The following SLC36A2 variants were observed in gnomAD, a reference collection of about 807,000 sequenced individuals.
SLC36A2 encodes the protein solute carrier family 36 member 2, also known as proton-coupled amino acid transporter 2.
In SLC36A2, 39 loss-of-function variants were observed where a neutral mutation model predicts 42.7. The ratio of observed to expected loss-of-function variants is 0.91; its 90% CI spans 0.71 to 1.19. The LOEUF (loss-of-function observed/expected upper bound fraction) is 1.19. Ranked by LOEUF, SLC36A2 falls within the 50% of genes most tolerant of loss-of-function variation. The pLI, the probability that SLC36A2 is intolerant of heterozygous loss-of-function variation, is 0.00. For synonymous variants in SLC36A2, 237 were observed against 240.8 expected (o/e 0.98, Z 0.15); for missense variants, 590 against 613.7 (o/e 0.96, Z 0.41).
At chr5:151,339,892 A>G (rs1322885633) in intron 4 of SLC36A2, among the ~76,000 whole-genome samples, 5 of 152,344 alleles carry the variant, frequency 3.3e-5, no homozygotes, top group Non-Finnish European at 7.3e-5. Flanking sequence ...CTAATGGGTT[A>G]GGTGGACAAA....
At chr5:151,317,198 T>C (rs982357142) in intron 9 of SLC36A2, 110 bp from the exon 10 acceptor site, 37 of 1,420,296 alleles carry the variant, frequency 2.6e-5, no homozygotes, top group Middle Eastern at 2.4e-4. Flanking sequence ...ACACTTGTAA[T>C]CCCAGCACTT....
chr5:151,330,536 A>G (rs1755967092), intron 7 of SLC36A2, among the ~76,000 whole-genome samples: 1 of 152,264 alleles, frequency 6.6e-6, no homozygotes, highest in Non-Finnish European at 1.5e-5. Context: ...CTGCTTTAAA[A>G]GAAATGTTAA....
rs1011214457 is a variant in SLC36A2 at position 151,316,695 on chromosome 5, G to T, written c.*122C>A. 3.8e-5 allele frequency: 46 copies of T among 1,208,368 alleles called. No individual in the cohort carries two copies. The highest frequency in any genetic ancestry group is 7.8e-6 in the Non-Finnish European group (7 of 892,686). 74.9% of individuals were successfully genotyped at this position (1,208,368 alleles called of 1,614,324 possible). On this transcript the variant is annotated 3_prime_UTR_variant, in exon 10 of 10. Coordinates refer to ENST00000335244, the MANE Select transcript of SLC36A2 (RefSeq NM_181776.3). Reference sequence around the variant, plus strand: ...GCCGAAGTTGTGGTGAGCTGAGATCGCATCATTGTACTCCAGTCTGGGCAA... The same window carrying T: ...GCCGAAGTTGTGGTGAGCTGAGATCTCATCATTGTACTCCAGTCTGGGCAA...
intron 4 of SLC36A2, among the ~76,000 whole-genome samples, chr5:151,341,591 T>A (rs911375293): frequency 6.6e-6 from 1 of 152,190 alleles, no homozygotes; most frequent in East Asian, 1.9e-4. Flanking sequence ...TAACCTGTTC[T>A]CTGTCACCCC....
At chr5:151,319,040 C>T (rs548892961) in intron 9 of SLC36A2, 129 of 455,830 alleles carry the variant, frequency 2.8e-4, no homozygotes, top group Non-Finnish European at 3.7e-4. Flanking sequence ...CCAAGTCCCA[C>T]CCCTTCCTCA....
chr5:151,317,042 C>T lies in SLC36A2; in HGVS notation c.1227G>A (p.Leu409=), dbSNP rs1231899768. 1 of 1,614,020 alleles carries T rather than the reference C, an allele frequency of 6.2e-7. No individual in the cohort carries two copies. Among genetic ancestry groups the T allele is most frequent in the South Asian group, 1.1e-5 (1 of 91,070 alleles). ...GGGCGGTGCCACTCACGGAGCCCACCAGGGAGATGACCAGGTCCAGGCGGG... is the reference window on the plus strand; with the variant it reads ...GGGCGGTGCCACTCACGGAGCCCACTAGGGAGATGACCAGGTCCAGGCGGG... The part of the protein sequence containing the change: ...LIPRLDLVIS[L]VGSVSGTALA... The change falls in exon 10 of 10, where the codon CTG becomes CTA. Residue 409 remains leucine, a synonymous_variant. Coordinates refer to ENST00000335244, the MANE Select transcript of SLC36A2 (RefSeq NM_181776.3).
chr5:151,331,650 A>G (rs1379289408), intron 7 of SLC36A2, among the ~76,000 whole-genome samples: 1 of 152,122 alleles, frequency 6.6e-6, no homozygotes, highest in South Asian at 2.1e-4. Context: ...ATTCTTAGAC[A>G]TAAGACAAAA....
intron 4 of SLC36A2, among the ~76,000 whole-genome samples, chr5:151,340,137 A>C: frequency 7.9e-6 from 1 of 126,326 alleles, no homozygotes; most frequent in East Asian, 2.1e-4. Flanking sequence ...AGGAGGAGGA[A>C]GAAGAGGAGG....
In SLC36A2 at chr5:151,342,418, C is replaced by T. The variant is rs536809573; in HGVS notation, c.440+470G>A. Among the ~76,000 whole-genome samples the T allele has an allele frequency of 4.6e-5, 7 of 152,324 alleles. No individual in the cohort carries two copies. In the South Asian group the frequency reaches 1.5e-3, roughly 32 times the overall value. ...CCTGCAGAACTCATCTCACCCGTTC[C>T]ATCCTAGAAAGCCCTCCTCTCCCCC... On this transcript the variant is annotated intron_variant, in intron 4 of 9. Coordinates refer to ENST00000335244, the MANE Select transcript of SLC36A2 (RefSeq NM_181776.3).
intron 8 of SLC36A2, among the ~76,000 whole-genome samples, chr5:151,324,456 C>T (rs1320863498): frequency 6.6e-6 from 1 of 152,074 alleles, no homozygotes; most frequent in Non-Finnish European, 1.5e-5. Flanking sequence ...CCTCAGCCTC[C>T]CGAGTAGCTG....
chr5:151,331,231 A>G (rs75246886), intron 7 of SLC36A2, among the ~76,000 whole-genome samples: 1,706 of 152,324 alleles, frequency 0.011, 27 homozygotes, highest in African/African-American at 0.039. Flanking sequence ...TAAAACCATA[A>G]AACTCTTAGA....
At chr5:151,320,778 TA>T (rs1339082613) in intron 9 of SLC36A2, among the ~76,000 whole-genome samples, 1 of 152,208 alleles carries the variant, frequency 6.6e-6, no homozygotes, top group Non-Finnish European at 1.5e-5. Context: ...CAAAAAATTT[TA>T]AAAATCTGCA....
rs181502601 is a variant in SLC36A2 at position 151,321,741 on chromosome 5, C to T, written c.1180+305G>A. ...TTGCCCAGGCTGGAGTGCAGTGGCACGATCTCGGCTCACTGCAACCTCTGC... is the reference window on the plus strand; with the variant it reads ...TTGCCCAGGCTGGAGTGCAGTGGCATGATCTCGGCTCACTGCAACCTCTGC... On this transcript the variant is annotated intron_variant, in intron 9 of 9. Coordinates refer to ENST00000335244, the MANE Select transcript of SLC36A2 (RefSeq NM_181776.3). 334 of 363,026 alleles carry T rather than the reference C, an allele frequency of 9.2e-4. 2 individuals are homozygous for T. The highest frequency in any genetic ancestry group is 1.9e-3 in the East Asian group (28 of 14,656). The allele number at this position is 363,026 out of a possible 1,614,324, so 22.5% of individuals were successfully genotyped here. A position where few individuals can be genotyped will look rare whatever the true frequency, so the allele number is the denominator to read the frequency against.
chr5:151,343,657 T>G, intron 2 of SLC36A2, 59 bp from the exon 3 acceptor site: 1 of 1,462,162 alleles, frequency 6.8e-7, no homozygotes, highest in Non-Finnish European at 9.6e-7. Flanking sequence ...TTATGAAGAA[T>G]ACTGCAAGAT....
intron 1 of SLC36A2, among the ~76,000 whole-genome samples, chr5:151,344,623 G>A (rs1260353639): frequency 1.3e-5 from 2 of 152,192 alleles, no homozygotes; most frequent in Non-Finnish European, 1.5e-5. Context: ...ATTTGTTAAT[G>A]ACTTATCCAG....
intron 7 of SLC36A2, among the ~76,000 whole-genome samples, chr5:151,330,879 A>AG (rs1220817763): frequency 6.6e-6 from 1 of 152,172 alleles, no homozygotes; most frequent in Non-Finnish European, 1.5e-5. Context: ...AACTACTAAA[A>AG]GTACTATAGA....
At chr5:151,328,478 A>G (rs13436124) in intron 7 of SLC36A2, among the ~76,000 whole-genome samples, 8,613 of 152,236 alleles carry the variant, frequency 0.057, 801 homozygotes, top group African/African-American at 0.19. Context: ...TTTTGGACAG[A>G]TGACTTAGAA....
At chr5:151,323,433 G>A (rs7719610) in intron 8 of SLC36A2, among the ~76,000 whole-genome samples, 1 of 152,034 alleles carries the variant, frequency 6.6e-6, no homozygotes, top group Non-Finnish European at 1.5e-5. Flanking sequence ...AAATTCCCCT[G>A]TTCTGAGCAG....
intron 8 of SLC36A2, among the ~76,000 whole-genome samples, chr5:151,323,370 C>T (rs542537195): frequency 5.6e-4 from 86 of 152,336 alleles, no homozygotes; most frequent in African/African-American, 2.0e-3. Flanking sequence ...GTCCTGCTGC[C>T]TGGGCACCCT....
Sources: gnomAD v4.1 joint callset for allele counts (sites outside exome capture counted in the v4.1 genomes callset) on GRCh38, gnomAD v4.1.1 for gene constraint, MANE v1.5 for transcripts, NCBI Gene and HGNC (gene_info 2026-07-23, HGNC 2026-07-21) for gene names.